The following ELF1 variants were observed in gnomAD, a reference collection of about 807,000 sequenced individuals.
ELF1 encodes ETS-related transcription factor Elf-1.
ELF1 carries 24 observed loss-of-function variants against 59.9 expected under a neutral mutation model. That is an observed-to-expected ratio of 0.40 (90% CI 0.29 to 0.56). The LOEUF (loss-of-function observed/expected upper bound fraction) is 0.56. Ranked by LOEUF, ELF1 falls within the 20% of genes least tolerant of loss-of-function variation. ELF1 has a pLI of 0.44. For missense variants in ELF1, 627 were observed against 742.2 expected (o/e 0.84, Z 1.80); for synonymous variants, 248 against 266.2 (o/e 0.93, Z 0.67).
At chr13:41,017,586 C>CG in intron 1 of ELF1, among the ~76,000 whole-genome samples, 1 of 151,978 alleles carries the variant, frequency 6.6e-6, no homozygotes, top group Admixed American at 6.6e-5. Context: ...TCTTTTTACC[C>CG]CCCCTTCTCC....
intron 1 of ELF1, among the ~76,000 whole-genome samples, chr13:41,001,637 A>G (rs567664831): frequency 4.2e-4 from 64 of 152,274 alleles, no homozygotes; most frequent in African/African-American, 1.5e-3. Context: ...AACCGACCAA[A>G]ATTTGTGCCC....
In ELF1 at chr13:40,941,291, G is replaced by C. The variant is rs143469326; in HGVS notation, c.886C>G (p.Leu296Val). 107 of 1,613,786 alleles carry C rather than the reference G, an allele frequency of 6.6e-5. No homozygotes were observed. The highest frequency in any genetic ancestry group is 8.1e-5 in the Non-Finnish European group (96 of 1,180,012). ...GGATCCTCATCATTTATATATATAA[G>C]ATCTTTTGGCATTTCTTTAAACTGA... ...VYQFKEMPKD[L>V]IYINDEDPSS... The change falls in exon 8 of 9, where the codon CTT (leucine) becomes GTT (valine). Residue 296 changes from leucine (L) to valine (V), a missense_variant. By Grantham distance (32) the Leu-to-Val change is conservative. Transcript: ENST00000239882.
chr13:41,047,120 C>T (rs1876880480), intron 1 of ELF1, among the ~76,000 whole-genome samples: 1 of 152,192 alleles, frequency 6.6e-6, no homozygotes, highest in Non-Finnish European at 1.5e-5. Flanking sequence ...CCATGGTTTT[C>T]AGCTCCATCA....
intron 1 of ELF1, among the ~76,000 whole-genome samples, chr13:41,026,341 G>A (rs1875908344): frequency 6.6e-6 from 1 of 152,090 alleles, no homozygotes; most frequent in Admixed American, 6.5e-5. Context: ...TTAGATTTTG[G>A]AGGCAACACA....
chr13:41,011,797 A>G (rs1875080852), intron 1 of ELF1, among the ~76,000 whole-genome samples: 2 of 151,370 alleles, frequency 1.3e-5, no homozygotes, highest in African/African-American at 2.4e-5. Context: ...GGGTCTCACT[A>G]TGTTGCCCAG....
At chr13:40,943,540 T>TCAAGA (rs1870315683) in intron 6 of ELF1, among the ~76,000 whole-genome samples, 1 of 152,214 alleles carries the variant, frequency 6.6e-6, no homozygotes, top group Admixed American at 6.5e-5. Context: ...TGCTTGAATT[T>TCAAGA]CAAGACAACA....
At chr13:40,959,722 T>C (rs1223113222) in intron 2 of ELF1, among the ~76,000 whole-genome samples, 1 of 151,934 alleles carries the variant, frequency 6.6e-6, no homozygotes, top group Non-Finnish European at 1.5e-5. Flanking sequence ...TTTTCTATTA[T>C]TGTTCTTTTC....
intron 1 of ELF1, among the ~76,000 whole-genome samples, chr13:41,059,533 C>G (rs565238688): frequency 3.3e-5 from 5 of 152,340 alleles, no homozygotes; most frequent in African/African-American, 1.2e-4. Context: ...TCTGGGAACA[C>G]ACATACTAAC....
intron 5 of ELF1, 33 bp from the exon 6 acceptor site, chr13:40,943,958 C>T: frequency 6.3e-7 from 1 of 1,594,334 alleles, no homozygotes; most frequent in Non-Finnish European, 8.6e-7. Context: ...TAAATATTTG[C>T]CTTCAAAAGT....
intron 2 of ELF1, among the ~76,000 whole-genome samples, chr13:40,976,259 A>G (rs903070971): frequency 6.6e-6 from 1 of 152,208 alleles, no homozygotes; most frequent in Non-Finnish European, 1.5e-5. Context: ...AGATGTTTGG[A>G]CTGATAATGA....
intron 1 of ELF1, among the ~76,000 whole-genome samples, chr13:41,058,429 T>C (rs774854720): frequency 1.3e-5 from 2 of 152,198 alleles, no homozygotes; most frequent in African/African-American, 4.8e-5. Flanking sequence ...TCCTCTCCCT[T>C]GAGCAGAACC....
chr13:41,042,304 C>CTTTTTT (rs60867312), intron 1 of ELF1, among the ~76,000 whole-genome samples: 3 of 146,450 alleles, frequency 2.0e-5, no homozygotes, highest in Non-Finnish European at 1.5e-5. Flanking sequence ...TTTTCTTTTT[C>CTTTTTT]TTTTTTTTTT....
intron 7 of ELF1, among the ~76,000 whole-genome samples, chr13:40,942,303 TAA>T (rs1349801526): frequency 3.3e-5 from 5 of 152,198 alleles, no homozygotes; most frequent in Admixed American, 3.3e-4. Flanking sequence ...GTCTATCCCC[TAA>T]AAGTCATTCA....
chr13:41,007,705 T>C (rs1312369485), intron 1 of ELF1, among the ~76,000 whole-genome samples: 2 of 152,178 alleles, frequency 1.3e-5, no homozygotes, highest in African/African-American at 4.8e-5. Flanking sequence ...TAAACTTTAA[T>C]AAAAGTATAT....
chr13:41,024,908 T>C (rs1337702068), intron 1 of ELF1, among the ~76,000 whole-genome samples: 2 of 152,182 alleles, frequency 1.3e-5, no homozygotes, highest in Non-Finnish European at 2.9e-5. Flanking sequence ...AGTCTCCTCC[T>C]AACTGACAGA....
chr13:40,946,066 C>T (rs564851184), intron 5 of ELF1, among the ~76,000 whole-genome samples: 2 of 152,154 alleles, frequency 1.3e-5, no homozygotes, highest in African/African-American at 2.4e-5. Flanking sequence ...CTCGAATTTC[C>T]GACCTCAGGA....
intron 8 of ELF1, among the ~76,000 whole-genome samples, chr13:40,940,418 AC>A (rs1253019901): frequency 1.2e-3 from 171 of 140,534 alleles, no homozygotes; most frequent in African/African-American, 1.9e-3. Flanking sequence ...AAAAAAAAAA[AC>A]AAACCTACTT....
At chr13:40,990,683 C>T (rs1432629915) in intron 1 of ELF1, among the ~76,000 whole-genome samples, 11 of 151,874 alleles carry the variant, frequency 7.2e-5, no homozygotes, top group Admixed American at 3.3e-4. Flanking sequence ...AGTGAAATCC[C>T]GTCTCTACTA....
At chr13:40,940,503 C>T (rs936198178) in intron 8 of ELF1, among the ~76,000 whole-genome samples, 14 of 149,098 alleles carry the variant, frequency 9.4e-5, no homozygotes, top group African/African-American at 2.7e-4. Context: ...TAGAATTGTT[C>T]GAAGATAGGA....
Sources: allele counts gnomAD v4.1 joint callset (sites outside exome capture counted in the v4.1 genomes callset), GRCh38; gene constraint gnomAD v4.1.1; transcripts MANE v1.5; gene names NCBI Gene and HGNC (gene_info 2026-07-23, HGNC 2026-07-21).